The following MAP2 variants were observed in gnomAD, a reference collection of about 807,000 sequenced individuals.
MAP2 encodes the protein microtubule associated protein 2.
In MAP2, 14 loss-of-function variants were observed where a neutral mutation model predicts 137.6. The ratio of observed to expected loss-of-function variants is 0.10; its 90% confidence interval spans 0.07 to 0.16. MAP2 has a LOEUF of 0.16. Among genes scored for constraint, MAP2 ranks in the 10% least tolerant of loss-of-function variants. MAP2 has a pLI of 1.00. For synonymous variants in MAP2, 786 were observed against 782.3 expected, an observed-to-expected ratio of 1.00 and a Z score of -0.08; for missense variants, 2,088 against 2,191.5, an observed-to-expected ratio of 0.95 and a Z score of 0.94.
chr2:209,617,068 A>T (rs2089709637), intron 3 of MAP2, among the ~76,000 whole-genome samples: 1 of 152,018 alleles, frequency 6.6e-6, no homozygotes, highest in East Asian at 1.9e-4. Context: ...GGGATGGGGG[A>T]TACAGTGTGG....
At chr2:209,595,113 C>T (rs1393364645) in intron 3 of MAP2, among the ~76,000 whole-genome samples, 6 of 152,088 alleles carry the variant, frequency 3.9e-5, no homozygotes, top group Non-Finnish European at 8.8e-5. Context: ...GTATATTTTT[C>T]ACCTCACAGA....
intron 3 of MAP2, among the ~76,000 whole-genome samples, chr2:209,592,748 G>A (rs1271457200): frequency 6.6e-6 from 1 of 152,108 alleles, no homozygotes; most frequent in Non-Finnish European, 1.5e-5. Context: ...GTGTCCAGAT[G>A]AAGGTCTTTT....
In MAP2 at chr2:209,590,735, T is replaced by C. The variant is rs146748199; in HGVS notation, c.-107+10635T>C. Among the ~76,000 whole-genome samples the C allele has an allele frequency of 4.7e-3, 708 of 152,252 alleles. 5 individuals carry two copies. Among genetic ancestry groups the C allele is most frequent in the Admixed American group, 6.2e-3 (94 of 15,284 alleles). ...ATTCTTTTTACAGAACATTATATAT[T>C]ATATTACATTTCTAGTATCACAGTG... On this transcript the variant is annotated intron_variant, in intron 3 of 15. Coordinates refer to ENST00000682079, the MANE Select transcript of MAP2 (RefSeq NM_001375505.1).
chr2:209,466,021 C>T (rs1457413868), intron 1 of MAP2, among the ~76,000 whole-genome samples: 3 of 152,072 alleles, frequency 2.0e-5, no homozygotes, highest in Non-Finnish European at 4.4e-5. Context: ...TACCAAATGA[C>T]CCAAAGCTGT....
chr2:209,540,097 TAAAAAAAAAAAAAA>T (rs35280709), intron 2 of MAP2, among the ~76,000 whole-genome samples: 1 of 39,524 alleles, frequency 2.5e-5, no homozygotes, highest in East Asian at 8.4e-4. Context: ...GGAGACGTTG[TAAAAAAAAAAAAAA>T]AAAAAAAAAA....
rs1584250938 is a variant in MAP2, at chr2:209,709,846, G to A, written c.4733-68G>A. 5.4e-6 allele frequency: 6 copies of A among 1,111,038 alleles called. No homozygotes were observed. The East Asian group carries it at 1.4e-4, about 27-fold the overall frequency. The allele number at this position is 1,111,038 out of a possible 1,614,324, so 68.8% of individuals were successfully genotyped here. A position where few individuals can be genotyped will look rare whatever the true frequency, so the allele number is the denominator to read the frequency against. On this transcript the variant is annotated intron_variant, in intron 12 of 15. Transcript: ENST00000682079. ...CGTATTATGACTTCTAACAATCTAT[G>A]GGAAGAGGGATGTTTTGAGGAGAAT...
chr2:209,616,907 AG>A (rs2089636616), intron 3 of MAP2, among the ~76,000 whole-genome samples: 1 of 152,150 alleles, frequency 6.6e-6, no homozygotes, highest in Non-Finnish European at 1.5e-5. Flanking sequence ...TTGGACAAAA[AG>A]GATATTATCT....
At chr2:209,435,096 TGAAA>T (rs1211117034) in intron 1 of MAP2, among the ~76,000 whole-genome samples, 2 of 151,030 alleles carry the variant, frequency 1.3e-5, no homozygotes, top group African/African-American at 4.9e-5. Flanking sequence ...AAAGGATTAA[TGAAA>T]GAGCTTTAAA....
chr2:209,575,314 G>T (rs1019010607), intron 2 of MAP2, among the ~76,000 whole-genome samples: 1 of 151,982 alleles, frequency 6.6e-6, no homozygotes, highest in African/African-American at 2.4e-5. Flanking sequence ...GAGGTCAGAA[G>T]ATCGAGACCA....
chr2:209,497,315 T>G (rs1425303491), intron 1 of MAP2, among the ~76,000 whole-genome samples: 3 of 152,188 alleles, frequency 2.0e-5, no homozygotes, highest in African/African-American at 4.8e-5. Context: ...CTTCATGTCT[T>G]TCTTTCTCCG....
At chr2:209,573,796 C>T (rs2074847986) in intron 2 of MAP2, among the ~76,000 whole-genome samples, 2 of 152,212 alleles carry the variant, frequency 1.3e-5, no homozygotes, top group Non-Finnish European at 2.9e-5. Flanking sequence ...ACCCTCTGCC[C>T]CAAGCCTCTG....
chr2:209,684,704 G>A (rs919042631), intron 7 of MAP2: 1 of 152,132 alleles, frequency 6.6e-6, no homozygotes, highest in African/African-American at 2.4e-5. Context: ...AGAAAACTAT[G>A]CAAAAGTCCA....
At chr2:209,604,117 TAAG>T (rs1478165294) in intron 3 of MAP2, among the ~76,000 whole-genome samples, 2 of 152,150 alleles carry the variant, frequency 1.3e-5, no homozygotes, top group Non-Finnish European at 2.9e-5. Context: ...TCTATAGCAG[TAAG>T]AAGGATTGGT....
chr2:209,726,334 T>C (rs569999857), intron 14 of MAP2, among the ~76,000 whole-genome samples: 60 of 152,340 alleles, frequency 3.9e-4, no homozygotes, highest in Admixed American at 2.2e-3. Flanking sequence ...TTTCAAAATA[T>C]CTCATACGAC....
At chr2:209,635,730 G>C (rs1317301034) in intron 4 of MAP2, among the ~76,000 whole-genome samples, 3 of 152,098 alleles carry the variant, frequency 2.0e-5, no homozygotes, top group Non-Finnish European at 2.9e-5. Context: ...CAGAATGCTT[G>C]GGTGTTTGCA....
At chr2:209,554,555 A>C (rs75951341) in intron 2 of MAP2, among the ~76,000 whole-genome samples, 206 of 152,260 alleles carry the variant, frequency 1.4e-3, no homozygotes, top group African/African-American at 4.8e-3. Flanking sequence ...TGGGAGGCAG[A>C]GGCTGATGGA....
chr2:209,556,663 A>T (rs1184359387), intron 2 of MAP2, among the ~76,000 whole-genome samples: 1 of 73,496 alleles, frequency 1.4e-5, no homozygotes, highest in Non-Finnish European at 2.1e-5. Context: ...CTGGCCTATT[A>T]AAAAAAAAAA....
At chr2:209,438,043 A>G (rs553904783) in intron 1 of MAP2, among the ~76,000 whole-genome samples, 2 of 151,748 alleles carry the variant, frequency 1.3e-5, no homozygotes, top group African/African-American at 4.8e-5. Context: ...GGAAAGTACA[A>G]TAGGCATGAG....
chr2:209,514,659 T>C (rs288049), intron 2 of MAP2, among the ~76,000 whole-genome samples: 1 of 151,482 alleles, frequency 6.6e-6, no homozygotes, highest in African/African-American at 2.4e-5. Flanking sequence ...AAAATAAAAT[T>C]AATGAATTTC....
Sources: allele counts gnomAD v4.1 joint callset (sites outside exome capture counted in the v4.1 genomes callset), GRCh38; gene constraint gnomAD v4.1.1; transcripts MANE v1.5; gene names NCBI Gene and HGNC (gene_info 2026-07-23, HGNC 2026-07-21).